Variants in PCDH9 observed in about 807,000 individuals in gnomAD.
PCDH9 encodes protocadherin 9, also known as protocadherin-9.
PCDH9 carries 24 observed loss-of-function variants against 70.6 expected under a neutral mutation model. The observed-to-expected ratio is 0.34, with a 90% CI of 0.25 to 0.48. The LOEUF (loss-of-function observed/expected upper bound fraction) is 0.48, where lower values mean the gene tolerates loss of function less well. Ranked by LOEUF, PCDH9 falls within the 20% of genes least tolerant of loss-of-function variation. The probability of loss-of-function intolerance (pLI) is 0.99; values close to 1 mark genes in which losing one functional copy is unlikely to be tolerated. For synonymous variants in PCDH9, 562 were observed against 558.5 expected (o/e 1.01, Z -0.09); for missense variants, 1,281 against 1,503.6 (o/e 0.85, Z 2.45).
chr13:66,728,426 A>C (rs1008693166), intron 3 of PCDH9, among the ~76,000 whole-genome samples: 4 of 152,092 alleles, frequency 2.6e-5, no homozygotes, highest in Non-Finnish European at 2.9e-5. Context: ...TCCGTTTCCG[A>C]ATGTTGTTTA....
intron 2 of PCDH9, among the ~76,000 whole-genome samples, chr13:67,105,872 A>G (rs985989273): frequency 1.3e-5 from 2 of 151,426 alleles, no homozygotes; most frequent in African/African-American, 4.8e-5. Context: ...AAGAATACAT[A>G]TATGTTTTTA....
intron 2 of PCDH9, among the ~76,000 whole-genome samples, chr13:67,079,202 G>A (rs1460944909): frequency 1.3e-5 from 2 of 151,706 alleles, no homozygotes; most frequent in African/African-American, 4.8e-5. Context: ...ATGGAATGGA[G>A]GATTTTTGTA....
At chr13:66,352,514 C>T (rs1008243488) in intron 4 of PCDH9, among the ~76,000 whole-genome samples, 4 of 152,120 alleles carry the variant, frequency 2.6e-5, no homozygotes, top group African/African-American at 9.7e-5. Flanking sequence ...AGGTGTCTGC[C>T]ATCTCATTAT....
At chr13:67,182,917 A>G (rs755755222) in intron 2 of PCDH9, among the ~76,000 whole-genome samples, 19 of 152,112 alleles carry the variant, frequency 1.2e-4, no homozygotes, top group Non-Finnish European at 2.2e-4. Flanking sequence ...TCTAAATTCT[A>G]AAATTACTAT....
chr13:66,368,194 A>G (rs376882214), intron 4 of PCDH9, among the ~76,000 whole-genome samples: 5 of 152,174 alleles, frequency 3.3e-5, no homozygotes, highest in East Asian at 1.9e-4. Flanking sequence ...GAGAGTGAAC[A>G]TTTTCTAAAT....
In PCDH9 at chr13:66,352,965, C is replaced by T. The variant is rs562992831; in HGVS notation, c.3341-47937G>A. ...ATTAAATGATAGCCATGACCTAATGCAGCCATGATCAATACAAATGTACAT... is the reference window on the plus strand; with the variant it reads ...ATTAAATGATAGCCATGACCTAATGTAGCCATGATCAATACAAATGTACAT... On this transcript the variant is annotated intron_variant, in intron 4 of 4. Coordinates refer to ENST00000377865, the MANE Select transcript of PCDH9 (RefSeq NM_203487.3). Among the ~76,000 whole-genome samples the T allele has an allele frequency of 2.6e-5, 4 of 152,256 alleles. No individual in the cohort carries two copies. In the South Asian group the frequency reaches 8.3e-4, roughly 32 times the overall value.
At chr13:67,174,303 A>C (rs980279793) in intron 2 of PCDH9, among the ~76,000 whole-genome samples, 1 of 148,776 alleles carries the variant, frequency 6.7e-6, no homozygotes, top group African/African-American at 2.5e-5. Flanking sequence ...TGATAGATAG[A>C]TAGATAGATA....
intron 2 of PCDH9, among the ~76,000 whole-genome samples, chr13:67,036,921 T>C (rs1384132610): frequency 6.6e-6 from 1 of 152,326 alleles, no homozygotes; most frequent in Middle Eastern, 3.4e-3. Flanking sequence ...AAAGCGCCAT[T>C]ATCATGCAGC....
intron 2 of PCDH9, among the ~76,000 whole-genome samples, chr13:67,192,919 G>C (rs1324986547): frequency 6.6e-6 from 1 of 152,082 alleles, no homozygotes; most frequent in Admixed American, 6.6e-5. Flanking sequence ...GTAGCAGAAA[G>C]GGAAAACTGT....
At chr13:67,208,974 G>A (rs1299376913) in intron 2 of PCDH9, 1 of 152,128 alleles carries the variant, frequency 6.6e-6, no homozygotes, top group African/African-American at 2.4e-5. Flanking sequence ...GTTACTTTAG[G>A]TGAAATTTTA....
intron 2 of PCDH9, among the ~76,000 whole-genome samples, chr13:67,044,809 G>A (rs1312078581): frequency 1.3e-5 from 2 of 152,114 alleles, no homozygotes; most frequent in East Asian, 1.9e-4. Flanking sequence ...GATTTCAGCA[G>A]GGGAGAGAAA....
intron 2 of PCDH9, among the ~76,000 whole-genome samples, chr13:67,192,023 G>A (rs1045084494): frequency 1.3e-5 from 2 of 151,572 alleles, no homozygotes; most frequent in African/African-American, 4.8e-5. Flanking sequence ...AAAACATGTT[G>A]TACAAGTGTA....
intron 3 of PCDH9, among the ~76,000 whole-genome samples, chr13:66,796,101 T>C (rs1015311048): frequency 1.3e-5 from 2 of 152,104 alleles, no homozygotes; most frequent in African/African-American, 4.8e-5. Flanking sequence ...ATTAGCACGG[T>C]GTTTGGAAGC....
intron 2 of PCDH9, chr13:67,213,063 T>C (rs2089502749): frequency 6.6e-6 from 1 of 151,144 alleles, no homozygotes; most frequent in East Asian, 2.0e-4. Flanking sequence ...TATAAAAAAT[T>C]AGCCGGGTGT....
At chr13:66,410,886 G>A (rs1957358435) in intron 4 of PCDH9, among the ~76,000 whole-genome samples, 1 of 151,996 alleles carries the variant, frequency 6.6e-6, no homozygotes, top group East Asian at 1.9e-4. Context: ...AAACTTCTAA[G>A]AAATGTATCA....
At chr13:67,084,166 T>C (rs2086045180) in intron 2 of PCDH9, among the ~76,000 whole-genome samples, 2 of 152,188 alleles carry the variant, frequency 1.3e-5, no homozygotes, top group Non-Finnish European at 2.9e-5. Context: ...GGATAGTTCC[T>C]TTATAGAAAC....
intron 3 of PCDH9, among the ~76,000 whole-genome samples, chr13:66,874,814 T>C (rs1594189502): frequency 6.6e-6 from 1 of 152,210 alleles, no homozygotes; most frequent in East Asian, 1.9e-4. Flanking sequence ...CTCTGTTAAA[T>C]TGTTAAAATG....
chr13:66,634,684 T>C (rs2077614877), intron 3 of PCDH9, among the ~76,000 whole-genome samples: 1 of 152,176 alleles, frequency 6.6e-6, no homozygotes, highest in African/African-American at 2.4e-5. Context: ...ACATTGGAGA[T>C]AGTCAATAAA....
At chr13:67,194,752 T>C (rs2089014163) in intron 2 of PCDH9, among the ~76,000 whole-genome samples, 1 of 152,184 alleles carries the variant, frequency 6.6e-6, no homozygotes, top group Admixed American at 6.5e-5. Context: ...TTCTGCTCAT[T>C]TAATTTACTC....
Sources: allele counts gnomAD v4.1 joint callset (sites outside exome capture counted in the v4.1 genomes callset), GRCh38; gene constraint gnomAD v4.1.1; transcripts MANE v1.5; gene names NCBI Gene and HGNC (gene_info 2026-07-23, HGNC 2026-07-21).